The following MAN1A2 variants were observed in gnomAD, a reference collection of about 807,000 sequenced individuals.
MAN1A2 encodes the protein mannosidase alpha class 1A member 2, also known as mannosyl-oligosaccharide 1,2-alpha-mannosidase IB.
A neutral mutation model predicts 75.7 loss-of-function variants in MAN1A2; 26 were observed. The ratio of observed to expected loss-of-function variants is 0.34; its 90% CI spans 0.25 to 0.48. The LOEUF (loss-of-function observed/expected upper bound fraction) is 0.48, where lower values mean the gene tolerates loss of function less well. MAN1A2 is among the 20% of genes least tolerant of loss of function. The pLI is 0.99. For synonymous variants in MAN1A2, 247 were observed against 264.6 expected (o/e 0.93, Z 0.65); for missense variants, 562 against 775.5 (o/e 0.72, Z 3.27).
intron 8 of MAN1A2, among the ~76,000 whole-genome samples, chr1:117,472,493 T>C (rs1441510697): frequency 6.6e-6 from 1 of 152,012 alleles, no homozygotes; most frequent in Admixed American, 6.6e-5. Flanking sequence ...GTAGACAGTG[T>C]CCCTAATACC....
intron 4 of MAN1A2, among the ~76,000 whole-genome samples, chr1:117,417,534 A>AGTATATATATATATATATAT (rs1648033932): frequency 1.1e-5 from 1 of 89,218 alleles, no homozygotes; most frequent in African/African-American, 4.5e-5. Flanking sequence ...CTTGAGTTTA[A>AGTATATATATATATATATAT]ATATATATAT....
intron 10 of MAN1A2, among the ~76,000 whole-genome samples, chr1:117,497,621 C>G (rs1288078574): frequency 2.0e-5 from 3 of 151,648 alleles, no homozygotes; most frequent in African/African-American, 7.3e-5. Context: ...ATGTATAAAG[C>G]ACAGATATAC....
At chr1:117,382,158 T>C (rs1653365978) in intron 1 of MAN1A2, among the ~76,000 whole-genome samples, 5 of 152,246 alleles carry the variant, frequency 3.3e-5, no homozygotes, top group Admixed American at 2.6e-4. Context: ...CGGTAGTTTC[T>C]TTTGCTGTGC....
In MAN1A2 at chr1:117,510,051, G is replaced by A. The variant is rs187282442; in HGVS notation, c.1793+7081G>A. Among the ~76,000 whole-genome samples, 511 of 151,642 alleles carry A rather than the reference G, an allele frequency of 3.4e-3. 2 individuals are homozygous for A. The highest frequency in any genetic ancestry group is 5.4e-3 in the Non-Finnish European group (365 of 67,852). On this transcript the variant is annotated intron_variant, in intron 12 of 12. Transcript: ENST00000356554. ...TTATCTAGGAAAGGTTTCCATATTG[G>A]CATATATAAATCCACTGAGGAATGT...
At chr1:117,437,294 A>G (rs1315710869) in intron 5 of MAN1A2, among the ~76,000 whole-genome samples, 1 of 152,178 alleles carries the variant, frequency 6.6e-6, no homozygotes, top group East Asian at 1.9e-4. Context: ...ACCAAAGAGA[A>G]AGGGCTGATT....
At chr1:117,489,749 T>C (rs17037334) in intron 8 of MAN1A2, among the ~76,000 whole-genome samples, 17,138 of 152,124 alleles carry the variant, frequency 0.11, 1,055 homozygotes, top group Non-Finnish European at 0.14. Context: ...TTTTGCATTT[T>C]ACTTTTAAAT....
At chr1:117,522,801 C>A in intron 12 of MAN1A2, 24 bp from the exon 13 acceptor site, 1 of 1,605,736 alleles carries the variant, frequency 6.2e-7, no homozygotes, top group South Asian at 1.1e-5. Context: ...AACTGAAGCT[C>A]ATTTCTCCCC....
At chr1:117,510,952 A>G (rs1312663933) in intron 12 of MAN1A2, among the ~76,000 whole-genome samples, 1 of 152,034 alleles carries the variant, frequency 6.6e-6, no homozygotes, top group African/African-American at 2.4e-5. Context: ...CACTAACATC[A>G]TCTGTATTAG....
intron 6 of MAN1A2, among the ~76,000 whole-genome samples, chr1:117,450,542 A>C (rs1440902095): frequency 6.6e-6 from 1 of 152,164 alleles, no homozygotes; most frequent in Admixed American, 6.5e-5. Flanking sequence ...CAATGGGGCA[A>C]ATGTCTCCAG....
intron 5 of MAN1A2, among the ~76,000 whole-genome samples, chr1:117,421,398 AT>A (rs980467571): frequency 2.0e-5 from 3 of 150,560 alleles, no homozygotes; most frequent in East Asian, 1.9e-4. Context: ...ATTTTGTTTA[AT>A]TTTTTTTTGT....
chr1:117,508,192 A>G (rs984288063), intron 12 of MAN1A2, among the ~76,000 whole-genome samples: 9 of 151,678 alleles, frequency 5.9e-5, no homozygotes, highest in Non-Finnish European at 7.4e-5. Flanking sequence ...ATTCTGTTGC[A>G]CATTTATTTA....
intron 1 of MAN1A2, among the ~76,000 whole-genome samples, chr1:117,372,373 A>C (rs1490220887): frequency 1.3e-5 from 2 of 152,212 alleles, no homozygotes; most frequent in Non-Finnish European, 2.9e-5. Flanking sequence ...AGTGAGTCCA[A>C]GATAATGTCT....
At chr1:117,513,657 G>C (rs990301728) in intron 12 of MAN1A2, among the ~76,000 whole-genome samples, 3 of 151,514 alleles carry the variant, frequency 2.0e-5, no homozygotes, top group African/African-American at 7.3e-5. Flanking sequence ...AAAATAATTT[G>C]CTATTTATTA....
At chr1:117,375,423 G>GT (rs1019736891) in intron 1 of MAN1A2, among the ~76,000 whole-genome samples, 10 of 152,018 alleles carry the variant, frequency 6.6e-5, no homozygotes, top group Non-Finnish European at 1.0e-4. Context: ...TATACAAATA[G>GT]TTTTTTTAAA....
chr1:117,449,635 A>G (rs546190074), intron 6 of MAN1A2, among the ~76,000 whole-genome samples: 1 of 152,248 alleles, frequency 6.6e-6, no homozygotes, highest in South Asian at 2.1e-4. Flanking sequence ...GCCAAAAGCT[A>G]GGCCTCTTGT....
intron 5 of MAN1A2, among the ~76,000 whole-genome samples, chr1:117,440,353 T>A (rs1440737867): frequency 6.6e-6 from 1 of 152,158 alleles, no homozygotes; most frequent in Non-Finnish European, 1.5e-5. Context: ...GTAAAAGGAA[T>A]TGTGTGGCTG....
At chr1:117,428,613 A>G (rs1648458721) in intron 5 of MAN1A2, among the ~76,000 whole-genome samples, 2 of 152,100 alleles carry the variant, frequency 1.3e-5, no homozygotes, top group African/African-American at 4.8e-5. Flanking sequence ...AGCAAGACCA[A>G]ACTATTCACA....
chr1:117,404,784 G>T (rs1165572481), intron 2 of MAN1A2, among the ~76,000 whole-genome samples: 2 of 152,124 alleles, frequency 1.3e-5, no homozygotes, highest in Non-Finnish European at 2.9e-5. Flanking sequence ...GCTGGGCATG[G>T]TGGCTCACAC....
chr1:117,500,586 G>A lies in MAN1A2; in HGVS notation c.1677+1032G>A, dbSNP rs556229210. ...ATAATGTGAGATCTTGAACTAAGGG[G>A]AGTACACTTATTTTTCACCTGTCAT... On this transcript the variant is annotated intron_variant, in intron 11 of 12. Coordinates refer to ENST00000356554, the MANE Select transcript of MAN1A2 (RefSeq NM_006699.5). 3.5e-4 allele frequency among the ~76,000 whole-genome samples: 53 copies of A among 151,964 alleles called. No individual in the cohort carries two copies. In the Middle Eastern group the frequency reaches 0.01, roughly 29 times the overall value.
Sources: allele counts gnomAD v4.1 joint callset (sites outside exome capture counted in the v4.1 genomes callset), GRCh38; gene constraint gnomAD v4.1.1; transcripts MANE v1.5; gene names NCBI Gene and HGNC (gene_info 2026-07-23, HGNC 2026-07-21).